The following BPTF variants were observed in gnomAD, a reference collection of about 807,000 sequenced individuals.
The protein encoded by BPTF is bromodomain PHD finger transcription factor.
In BPTF, 18 loss-of-function variants were observed where a neutral mutation model predicts 292.5. That is an observed-to-expected ratio of 0.06 (90% CI 0.04 to 0.09). The LOEUF is 0.09. BPTF is among the 10% of genes least tolerant of loss of function. The pLI, the probability that BPTF is intolerant of heterozygous loss-of-function variation, is 1.00. For missense variants in BPTF, 2,726 were observed against 3,498.7 expected (o/e 0.78, Z 5.57); for synonymous variants, 1,225 against 1,251.9 (o/e 0.98, Z 0.45).
chr17:67,964,506 C>T lies in BPTF; in HGVS notation c.8454+102C>T. The T allele has an allele frequency of 4.4e-6, 6 of 1,352,570 alleles. 1 individual carries two copies. The South Asian group carries it at 7.2e-5, about 16-fold the overall frequency. The allele number at this position is 1,352,570 out of a possible 1,614,324, so 83.8% of individuals were successfully genotyped here. ...TTTCCAATCTTAGAATGATTATTTA[C>T]TGACTCCCAGCTAGTCTAGTGAAGT... is the stretch of plus-strand genomic sequence containing the variant. On this transcript the variant is annotated intron_variant, in intron 25 of 27. Transcript: ENST00000306378.
rs149528471 is a variant in BPTF, at chr17:67,941,138, A to T, written c.6477+482A>T. Reference sequence around the variant, plus strand: ...TGAAGAACAGGATTATTTGCCCTATATATGATAACTTGATATCAAAACTTA... The same window carrying T: ...TGAAGAACAGGATTATTTGCCCTATTTATGATAACTTGATATCAAAACTTA... On this transcript the variant is annotated intron_variant, in intron 19 of 27. Transcript: ENST00000306378. 2.1e-3 allele frequency among the ~76,000 whole-genome samples: 316 copies of T among 152,344 alleles called. 3 individuals are homozygous for T. Among genetic ancestry groups the T allele is most frequent in the African/African-American group, 7.3e-3 (304 of 41,574 alleles).
At chr17:67,837,553 G>A (rs1433699220) in intron 1 of BPTF, among the ~76,000 whole-genome samples, 7 of 151,994 alleles carry the variant, frequency 4.6e-5, no homozygotes, top group Non-Finnish European at 8.8e-5. Context: ...GATTAAAGGC[G>A]GACGCCACCA....
At chr17:67,841,543 T>C (rs6504543) in intron 1 of BPTF, among the ~76,000 whole-genome samples, 51,842 of 151,864 alleles carry the variant, frequency 0.34, 11,201 homozygotes, top group East Asian at 0.67. Context: ...TGCTTTTAAT[T>C]TATATATCAT....
At chr17:67,850,132 G>C (rs1442893354) in intron 1 of BPTF, among the ~76,000 whole-genome samples, 1 of 152,070 alleles carries the variant, frequency 6.6e-6, no homozygotes, top group Non-Finnish European at 1.5e-5. Flanking sequence ...GTAAGTGCAT[G>C]GGCTAGCACT....
chr17:67,961,174 T>C (rs1160097516), intron 24 of BPTF, among the ~76,000 whole-genome samples: 4 of 152,230 alleles, frequency 2.6e-5, no homozygotes, highest in Non-Finnish European at 5.9e-5. Flanking sequence ...ATCACAGAAA[T>C]TGATTTCACA....
chr17:67,903,711 A>C, intron 7 of BPTF, 78 bp from the exon 8 acceptor site: 1 of 1,345,448 alleles, frequency 7.4e-7, no homozygotes, highest in Non-Finnish European at 9.9e-7. Context: ...TTGTTTTCCT[A>C]ATTTTTCAGT....
chr17:67,972,881 A>G (rs2068918894), intron 26 of BPTF, among the ~76,000 whole-genome samples: 1 of 151,662 alleles, frequency 6.6e-6, no homozygotes, highest in East Asian at 1.9e-4. Flanking sequence ...TTTCCTGAAC[A>G]CCTTACATGA....
chr17:67,947,886 C>G lies in BPTF; in HGVS notation c.7700+78C>G, dbSNP rs79888593. 4.6e-5 allele frequency: 63 copies of G among 1,379,346 alleles called. No individual in the cohort carries two copies. In the East Asian group the frequency reaches 1.5e-3, roughly 34 times the overall value. The allele number at this position is 1,379,346 out of a possible 1,614,324, so 85.4% of individuals were successfully genotyped here. A position where few individuals can be genotyped will look rare whatever the true frequency, so the allele number is the denominator to read the frequency against. On this transcript the variant is annotated intron_variant, in intron 22 of 27. Coordinates refer to ENST00000306378, the MANE Select transcript of BPTF (RefSeq NM_182641.4). Reference sequence around the variant, plus strand: ...ACACGCACAGAGTTCTGAGTTTATACTTGTTTATCTTGATTGAAGTTCATT... The same window carrying G: ...ACACGCACAGAGTTCTGAGTTTATAGTTGTTTATCTTGATTGAAGTTCATT...
At chr17:67,944,701 G>C (rs2065661493) in intron 20 of BPTF, 1 of 332,102 alleles carries the variant, frequency 3.0e-6, no homozygotes, top group African/African-American at 2.1e-5. Context: ...ATCTCAGGGA[G>C]GGTGGGTAAA....
rs370648587 is a variant in BPTF at position 67,947,776 on chromosome 17, C to T, written c.7668C>T (p.Ser2556=). Residue 2556 remains serine, a synonymous_variant, in exon 22 of 28, where the codon AGC becomes AGT. Coordinates refer to ENST00000306378, the MANE Select transcript of BPTF (RefSeq NM_182641.4). ...AVIEHLKQKK[S]MTPAEREENQ... is the part of the protein sequence containing the mutation. ...TAGAACATTTAAAACAGAAAAAGAG[C>T]ATGACTCCAGCTGAAAGAGAAGAGA... 3.2e-6 allele frequency: 5 copies of T among 1,553,526 alleles called. No individual in the cohort carries two copies. In the African/African-American group the frequency reaches 5.5e-5, roughly 17 times the overall value.
intron 4 of BPTF, among the ~76,000 whole-genome samples, chr17:67,883,612 T>A (rs915656477): frequency 2.0e-4 from 30 of 152,170 alleles, no homozygotes; most frequent in African/African-American, 7.2e-4. Flanking sequence ...TTTGTGTGTG[T>A]TTTTTGAGAC....
In BPTF at chr17:67,912,037, A is replaced by G. The variant is rs146241932; in HGVS notation, c.4153A>G (p.Thr1385Ala). 133 of 1,612,718 alleles carry G rather than the reference A, an allele frequency of 8.2e-5. No individual in the cohort carries two copies. The highest frequency in any genetic ancestry group is 1.1e-4 in the Non-Finnish European group (127 of 1,179,644). The change falls in exon 11 of 28, where the codon ACT becomes GCT. Residue 1385 changes from threonine to alanine, a missense_variant. Around this residue, in one of 22 missense-constraint regions of BPTF, gnomAD observed 713 missense variants for 714.9 expected, o/e 1.00. Coordinates refer to ENST00000306378, the MANE Select transcript of BPTF (RefSeq NM_182641.4). ...CSDQIKLKNT[T>A]DKKNNENRES... is the part of the protein sequence containing the mutation. ...TGATCAAATAAAGCTAAAAAATACC[A>G]CTGACAAAAAGAATAATGAAAATCG...
At chr17:67,837,775 C>T (rs1214303924) in intron 1 of BPTF, among the ~76,000 whole-genome samples, 2 of 152,300 alleles carry the variant, frequency 1.3e-5, no homozygotes, top group East Asian at 1.9e-4. Flanking sequence ...AGCAGGTGTT[C>T]TTGGATACTG....
At chr17:67,982,132 G>A (rs782463023) in intron 27 of BPTF, 120 bp from the exon 28 acceptor site, 7 of 891,236 alleles carry the variant, frequency 7.9e-6, no homozygotes, top group South Asian at 6.9e-5. Context: ...CGCTTGCCAA[G>A]GGTGAATGAA....
At chr17:67,859,291 A>G (rs1351146920) in intron 2 of BPTF, among the ~76,000 whole-genome samples, 1 of 152,118 alleles carries the variant, frequency 6.6e-6, no homozygotes. Context: ...GACTACAGGC[A>G]TGTGCCACCG....
chr17:67,870,668 T>C (rs1156294986), intron 3 of BPTF, among the ~76,000 whole-genome samples: 1 of 151,822 alleles, frequency 6.6e-6, no homozygotes, highest in Non-Finnish European at 1.5e-5. Context: ...GTTCTGATAA[T>C]AGCCAAGAAT....
At chr17:67,979,973 G>A (rs1212922695) in intron 27 of BPTF, among the ~76,000 whole-genome samples, 3 of 151,926 alleles carry the variant, frequency 2.0e-5, no homozygotes, top group African/African-American at 2.4e-5. Context: ...CCTTGGAGGC[G>A]GAGGTTGCAG....
intron 12 of BPTF, among the ~76,000 whole-genome samples, 188 bp from the exon 13 acceptor site, chr17:67,919,827 C>T (rs532842404): frequency 3.3e-5 from 5 of 152,244 alleles, no homozygotes; most frequent in African/African-American, 7.2e-5. Flanking sequence ...GAATTTGCAG[C>T]GAGGAAGAAG....
intron 23 of BPTF, chr17:67,951,175 G>A (rs1307768112): frequency 1.3e-5 from 2 of 152,106 alleles, no homozygotes; most frequent in African/African-American, 4.8e-5. Context: ...GCTGTTGGTG[G>A]TCAGCTTAAC....
Sources: gnomAD v4.1 joint callset for allele counts (sites outside exome capture counted in the v4.1 genomes callset) on GRCh38, gnomAD v4.1.1 for gene constraint, gnomAD v4.1.1 regional missense constraint, MANE v1.5 for transcripts, NCBI Gene and HGNC (gene_info 2026-07-23, HGNC 2026-07-21) for gene names.